Variants in IPCEF1 observed in about 807,000 individuals in gnomAD.
IPCEF1 encodes interaction protein for cytohesin exchange factors 1, also known as interactor protein for cytohesin exchange factors 1.
Under a neutral mutation model 50.9 loss-of-function variants are expected in IPCEF1, and 31 were observed. The ratio of observed to expected loss-of-function variants is 0.61; its 90% CI spans 0.46 to 0.82. The LOEUF (loss-of-function observed/expected upper bound fraction) is 0.82. Ranked by LOEUF, IPCEF1 falls within the 40% of genes least tolerant of loss-of-function variation. The pLI is 0.00. For synonymous variants in IPCEF1, 181 were observed against 192.0 expected, an observed-to-expected ratio of 0.94 and a Z score of 0.47; for missense variants, 458 against 514.0, an observed-to-expected ratio of 0.89 and a Z score of 1.05.
chr6:154,314,597 TGAAAA>T (rs1038931030), intron 1 of IPCEF1, among the ~76,000 whole-genome samples: 87 of 152,288 alleles, frequency 5.7e-4, no homozygotes, highest in African/African-American at 2.0e-3. Flanking sequence ...TCATCTAACA[TGAAAA>T]GAAAACTCAG....
intron 5 of IPCEF1, among the ~76,000 whole-genome samples, chr6:154,226,040 T>C (rs72574410): frequency 0.043 from 6,487 of 152,294 alleles, 293 homozygotes; most frequent in East Asian, 0.2. Flanking sequence ...TGCTCCCCTT[T>C]TTCCTCTAAC....
chr6:154,244,690 G>C (rs1460781230), intron 5 of IPCEF1, among the ~76,000 whole-genome samples: 3 of 152,214 alleles, frequency 2.0e-5, no homozygotes, highest in Non-Finnish European at 4.4e-5. Context: ...TGAATGAGCT[G>C]ATGAGGCCAA....
intron 5 of IPCEF1, among the ~76,000 whole-genome samples, chr6:154,235,531 C>CAA (rs34877577): frequency 0.046 from 4,488 of 97,372 alleles, 384 homozygotes; most frequent in African/African-American, 0.14. Flanking sequence ...AACTCTGTCA[C>CAA]AAAAAAAAAA....
Position 154,214,225 on chromosome 6 carries a change from C to T in IPCEF1, c.444G>A (p.Lys148=), listed in dbSNP as rs1303998675. The change falls in exon 8 of 12, where the codon AAG becomes AAA. Residue 148 remains lysine, a synonymous_variant. Coordinates refer to ENST00000367220, the MANE Select transcript of IPCEF1 (RefSeq NM_001130700.2). ...ATTTAAAATAGAACATACCTTCATCCTTTGTAGTGGATTCCTGATGGATTA... is the reference window on the plus strand; with the variant it reads ...ATTTAAAATAGAACATACCTTCATCTTTTGTAGTGGATTCCTGATGGATTA... ...SAVIHQESTT[K]DEECYSESEQ... The T allele has an allele frequency of 6.2e-7, 1 of 1,602,724 alleles. No individual in the cohort carries two copies. The highest frequency in any genetic ancestry group is 1.7e-5 in the Admixed American group (1 of 60,004).
chr6:154,211,894 G>A (rs1388238037), intron 9 of IPCEF1, among the ~76,000 whole-genome samples: 1 of 152,156 alleles, frequency 6.6e-6, no homozygotes, highest in African/African-American at 2.4e-5. Flanking sequence ...AAAGGAGGAG[G>A]AGGAAGCAGC....
rs769951595 is a variant in IPCEF1, at chr6:154,199,917, A to T, written c.661T>A (p.Ser221Thr). 3 of 1,614,162 alleles carry T rather than the reference A, an allele frequency of 1.9e-6. No homozygotes were observed. The highest frequency in any genetic ancestry group is 2.5e-6 in the Non-Finnish European group (3 of 1,180,028). Reference protein sequence around the residue: ...FPSSLSKERQSLPDTVNSLSA... With the variant: ...FPSSLSKERQTLPDTVNSLSA... ...AAACTGTTAACTGTGTCAGGCAAGG[A>T]TTGTCTCTCTTTAGATAAGGAGGAA... is the stretch of plus-strand genomic sequence containing the variant. The change falls in exon 10 of 12, where the codon TCC (serine) becomes ACC (threonine). Residue 221 changes from serine to threonine, a missense_variant. Ser to Thr is a moderately conservative substitution (Grantham distance 58). Transcript: ENST00000367220.
chr6:154,283,806 T>A (rs1782288420), intron 2 of IPCEF1, among the ~76,000 whole-genome samples: 1 of 152,156 alleles, frequency 6.6e-6, no homozygotes, highest in Admixed American at 6.5e-5. Context: ...GTACATAAAG[T>A]TCTGTATCCA....
At chr6:154,176,233 A>C (rs941460932) in intron 10 of IPCEF1, among the ~76,000 whole-genome samples, 2 of 152,186 alleles carry the variant, frequency 1.3e-5, no homozygotes, top group African/African-American at 4.8e-5. Context: ...ATGGGCAAAA[A>C]CTGGAAGCAT....
rs926403435 is a variant in IPCEF1, at chr6:154,156,490, G to A, written c.*3338C>T. ...TTCCTGCTTCATCACTGGGGGCTCC[G>A]GGCCAGGCACTTCACTGTAATAATC... On this transcript the variant is annotated 3_prime_UTR_variant, in exon 12 of 12. Transcript: ENST00000367220. The A allele has an allele frequency of 2.0e-5, 3 of 152,246 alleles. No homozygotes were observed. The highest frequency in any genetic ancestry group is 4.8e-5 in the African/African-American group (2 of 41,428). 9.4% of individuals were successfully genotyped at this position (152,246 alleles called of 1,614,324 possible).
chr6:154,319,082 A>G (rs188373684), intron 1 of IPCEF1, among the ~76,000 whole-genome samples: 4 of 152,332 alleles, frequency 2.6e-5, no homozygotes, highest in African/African-American at 7.2e-5. Context: ...TTCTTGTCAT[A>G]TTATTCTTAG....
chr6:154,211,365 T>C (rs905437197), intron 9 of IPCEF1, among the ~76,000 whole-genome samples: 15 of 150,618 alleles, frequency 1.0e-4, no homozygotes, highest in Non-Finnish European at 2.2e-4. Context: ...GCCAAGATTG[T>C]GCCACTGCAC....
intron 10 of IPCEF1, among the ~76,000 whole-genome samples, chr6:154,171,384 G>C (rs148846982): frequency 1.3e-5 from 2 of 152,092 alleles, no homozygotes; most frequent in African/African-American, 4.8e-5. Context: ...CACATATTGC[G>C]TGATTCCATT....
intron 7 of IPCEF1, 43 bp from the exon 8 acceptor site, chr6:154,214,319 C>A: frequency 1.5e-6 from 2 of 1,336,728 alleles, no homozygotes; most frequent in Non-Finnish European, 2.2e-6. Flanking sequence ...AAGAGATTAG[C>A]CCCCCACCCA....
In IPCEF1 at chr6:154,209,807, T is replaced by C. The variant is rs78655251; in HGVS notation, c.537+2963A>G. 4.8e-3 allele frequency among the ~76,000 whole-genome samples: 727 copies of C among 152,274 alleles called. 9 individuals are homozygous for C. Among genetic ancestry groups the C allele is most frequent in the African/African-American group, 0.017 (696 of 41,552 alleles). On this transcript the variant is annotated intron_variant, in intron 9 of 11. Transcript: ENST00000367220. The stretch of plus-strand genomic sequence containing the variant: ...GAAATATGTGATCAGGAGGAACACA[T>C]TCTGTTTCTAAGGGGGAAAAAAAAT...
intron 5 of IPCEF1, among the ~76,000 whole-genome samples, chr6:154,240,966 G>A (rs553244317): frequency 3.3e-5 from 5 of 152,140 alleles, no homozygotes; most frequent in Non-Finnish European, 5.9e-5. Flanking sequence ...GGCCAGGTGC[G>A]GTGGCTCATG....
At chr6:154,314,561 C>A (rs1783165049) in intron 1 of IPCEF1, among the ~76,000 whole-genome samples, 1 of 152,086 alleles carries the variant, frequency 6.6e-6, no homozygotes, top group African/African-American at 2.4e-5. Flanking sequence ...CTCTTTCTAC[C>A]TTAGTATCCT....
At chr6:154,353,754 A>T (rs1784157176) in intron 1 of IPCEF1, among the ~76,000 whole-genome samples, 1 of 152,150 alleles carries the variant, frequency 6.6e-6, no homozygotes, top group African/African-American at 2.4e-5. Flanking sequence ...AATGCATTTC[A>T]CCCAAATCTT....
intron 5 of IPCEF1, among the ~76,000 whole-genome samples, chr6:154,230,053 C>T (rs183280292): frequency 1.6e-4 from 25 of 151,850 alleles, no homozygotes; most frequent in Non-Finnish European, 1.9e-4. Flanking sequence ...TGGTTGCCTG[C>T]GGTTGGGGGT....
intron 3 of IPCEF1, among the ~76,000 whole-genome samples, chr6:154,256,395 G>T (rs1416582560): frequency 6.6e-6 from 1 of 152,136 alleles, no homozygotes; most frequent in Non-Finnish European, 1.5e-5. Flanking sequence ...AATTTGTGGG[G>T]ATTGAATAGG....
Sources: gnomAD v4.1 joint callset for allele counts (sites outside exome capture counted in the v4.1 genomes callset) on GRCh38, gnomAD v4.1.1 for gene constraint, MANE v1.5 for transcripts, NCBI Gene and HGNC (gene_info 2026-07-23, HGNC 2026-07-21) for gene names.